TNFSF4: variants seen among roughly 807,000 people sequenced by gnomAD.
TNFSF4 encodes the protein TNF superfamily member 4.
Under a neutral mutation model 7.3 loss-of-function variants are expected in TNFSF4, and 4 were observed. That is an observed-to-expected ratio of 0.55 (90% CI 0.27 to 1.25). The LOEUF (loss-of-function observed/expected upper bound fraction) is 1.25, where lower values mean the gene tolerates loss of function less well. TNFSF4 is among the 50% of genes most tolerant of loss of function. The pLI, the probability that TNFSF4 is intolerant of heterozygous loss-of-function variation, is 0.12. For missense variants in TNFSF4, 181 were observed against 208.8 expected (o/e 0.87, Z 0.82); for synonymous variants, 76 against 83.7 (o/e 0.91, Z 0.50).
intron 1 of TNFSF4, among the ~76,000 whole-genome samples, chr1:173,198,664 C>A (rs545779271): frequency 2.0e-5 from 3 of 152,248 alleles, no homozygotes; most frequent in African/African-American, 7.2e-5. Context: ...ATGCTTATTA[C>A]CCCAGTGATG....
At chr1:173,238,271 A>C in the TNFSF4 span, among the ~76,000 whole-genome samples, 1 of 152,206 alleles carries the variant, frequency 6.6e-6, no homozygotes, top group Non-Finnish European at 1.5e-5. Flanking sequence ...TAAAGACCTA[A>C]ATGCAAAACT....
the TNFSF4 span, among the ~76,000 whole-genome samples, chr1:173,232,341 T>C: frequency 6.6e-6 from 1 of 152,226 alleles, no homozygotes; most frequent in African/African-American, 2.4e-5. Context: ...TTTGCTGAAG[T>C]TGGTTATCAG....
At chr1:173,229,191 AG>A in the TNFSF4 span, among the ~76,000 whole-genome samples, 1 of 152,244 alleles carries the variant, frequency 6.6e-6, no homozygotes, top group Non-Finnish European at 1.5e-5. Context: ...AGAAAGGTCA[AG>A]TTACCCACAA....
the TNFSF4 span, among the ~76,000 whole-genome samples, chr1:173,394,065 C>T: frequency 6.6e-6 from 1 of 152,002 alleles, no homozygotes; most frequent in Non-Finnish European, 1.5e-5. Context: ...TGGTGTATAA[C>T]TTTTTGTTTT....
chr1:173,355,011 G>T, the TNFSF4 span, among the ~76,000 whole-genome samples: 4 of 152,188 alleles, frequency 2.6e-5, no homozygotes, highest in South Asian at 8.3e-4. Context: ...TAAAACCTAT[G>T]CGTAGTTGGG....
chr1:173,189,209 G>GAC (rs1557879078), intron 1 of TNFSF4, among the ~76,000 whole-genome samples: 3 of 152,122 alleles, frequency 2.0e-5, no homozygotes, highest in Non-Finnish European at 4.4e-5. Context: ...TCCCATTTTG[G>GAC]ATAACGTAGC....
chr1:173,213,922 G>T, the TNFSF4 span, among the ~76,000 whole-genome samples: 1 of 152,148 alleles, frequency 6.6e-6, no homozygotes, highest in Middle Eastern at 3.2e-3. Flanking sequence ...TGGATTGGGG[G>T]TAGGGTGCCA....
chr1:173,186,007 C>T lies in TNFSF4; in HGVS notation c.*509G>A, dbSNP rs533205858. 6.5e-6 allele frequency: 1 copy of T among 152,874 alleles called. No homozygotes were observed. Among genetic ancestry groups the T allele is most frequent in the African/African-American group, 2.4e-5 (1 of 41,562 alleles). 9.5% of individuals were successfully genotyped at this position (152,874 alleles called of 1,614,324 possible). A position where few individuals can be genotyped will look rare whatever the true frequency, so the allele number is the denominator to read the frequency against. On this transcript the variant is annotated 3_prime_UTR_variant, in exon 3 of 3. Transcript: ENST00000281834. ...ATTTAGGCAATATGCAAACTGCAATCAATTTAACCTTGGAGAGGCCGCTTT... is the reference window on the plus strand; with the variant it reads ...ATTTAGGCAATATGCAAACTGCAATTAATTTAACCTTGGAGAGGCCGCTTT...
At chr1:173,380,393 C>G in the TNFSF4 span, among the ~76,000 whole-genome samples, 2 of 152,032 alleles carry the variant, frequency 1.3e-5, no homozygotes, top group Non-Finnish European at 2.9e-5. Flanking sequence ...AATGCCCACC[C>G]AGTCCAAATC....
the TNFSF4 span, among the ~76,000 whole-genome samples, chr1:173,293,283 C>A: frequency 6.6e-6 from 1 of 151,970 alleles, no homozygotes; most frequent in Non-Finnish European, 1.5e-5. Flanking sequence ...CCCCACAGAC[C>A]AACGGAACTG....
chr1:173,275,598 A>C, the TNFSF4 span, among the ~76,000 whole-genome samples: 1 of 152,174 alleles, frequency 6.6e-6, no homozygotes, highest in African/African-American at 2.4e-5. Flanking sequence ...CTTCTGTTCA[A>C]TTTGTAAGCA....
the TNFSF4 span, among the ~76,000 whole-genome samples, chr1:173,315,111 CA>C: frequency 6.6e-6 from 1 of 152,058 alleles, no homozygotes; most frequent in Admixed American, 6.6e-5. Context: ...TTTTGTTTTC[CA>C]TTTTTTACGT....
chr1:173,215,459 T>C, the TNFSF4 span, among the ~76,000 whole-genome samples: 1 of 152,194 alleles, frequency 6.6e-6, no homozygotes, highest in Non-Finnish European at 1.5e-5. Context: ...TCATTCTCTA[T>C]GATAACAAGA....
chr1:173,284,598 AC>A, the TNFSF4 span, among the ~76,000 whole-genome samples: 1 of 152,146 alleles, frequency 6.6e-6, no homozygotes, highest in African/African-American at 2.4e-5. Flanking sequence ...AGATGGGCTG[AC>A]TTTTTTGTTA....
chr1:173,226,900 C>A, the TNFSF4 span, among the ~76,000 whole-genome samples: 6 of 152,172 alleles, frequency 3.9e-5, no homozygotes, highest in African/African-American at 1.4e-4. Flanking sequence ...CAAATGTTTA[C>A]AATCATGGAT....
chr1:173,374,965 G>A, the TNFSF4 span, among the ~76,000 whole-genome samples: 1 of 152,152 alleles, frequency 6.6e-6, no homozygotes, highest in Admixed American at 6.5e-5. Flanking sequence ...GAGATAACAA[G>A]ATCTATCCTT....
chr1:173,226,191 T>C, the TNFSF4 span, among the ~76,000 whole-genome samples: 11 of 152,178 alleles, frequency 7.2e-5, no homozygotes, highest in Non-Finnish European at 1.5e-4. Context: ...AAACAGATTA[T>C]CAGTTTTCCC....
At chr1:173,352,680 C>T in the TNFSF4 span, among the ~76,000 whole-genome samples, 9 of 152,142 alleles carry the variant, frequency 5.9e-5, no homozygotes, top group Non-Finnish European at 1.2e-4. Context: ...AGTTCCATGT[C>T]CCACTGTGCA....
chr1:173,198,498 T>C (rs1282287207), intron 1 of TNFSF4, among the ~76,000 whole-genome samples: 1 of 152,128 alleles, frequency 6.6e-6, no homozygotes, highest in Non-Finnish European at 1.5e-5. Context: ...CCTCCGATAG[T>C]AAATGAGCAA....
Sources: allele counts gnomAD v4.1 joint callset (sites outside exome capture counted in the v4.1 genomes callset), GRCh38; gene constraint gnomAD v4.1.1; transcripts MANE v1.5; gene names NCBI Gene and HGNC (gene_info 2026-07-23, HGNC 2026-07-21).